Variants in ERVMER34-1 observed in about 807,000 individuals in gnomAD.
The protein encoded by ERVMER34-1 is endogenous retroviral envelope protein HEMO.
For synonymous variants in ERVMER34-1, 199 were observed against 111.7 expected (o/e 1.78, Z -4.93); for missense variants, 471 against 295.1 (o/e 1.60, Z -4.37).
chr4:52,749,723 A>C (rs956673326), intron 2 of ERVMER34-1, among the ~76,000 whole-genome samples: 16 of 152,224 alleles, frequency 1.1e-4, no homozygotes, highest in African/African-American at 3.4e-4. Flanking sequence ...CAGGAGGTGG[A>C]GGTTGCAGTG....
At chr4:52,749,375 C>G (rs1320562872) in intron 2 of ERVMER34-1, among the ~76,000 whole-genome samples, 1 of 152,156 alleles carries the variant, frequency 6.6e-6, no homozygotes, top group Non-Finnish European at 1.5e-5. Flanking sequence ...CCTCATCTTG[C>G]AACTCTGTAA....
rs1577731899 is a variant in ERVMER34-1 at position 52,742,854 on chromosome 4, T to C, written c.*975A>G. The stretch of plus-strand genomic sequence containing the variant: ...TGGCATGAACCCAAGGGGGCAGAGG[T>C]TGCAGTGAGCCGAGATTGAGCCACT... On this transcript the variant is annotated 3_prime_UTR_variant, in exon 3 of 3. Transcript: ENST00000443173. 6.6e-6 allele frequency: 1 copy of C among 150,686 alleles called. No homozygotes were observed. The highest frequency in any genetic ancestry group is 6.6e-5 in the Admixed American group (1 of 15,136). The allele number at this position is 150,686 out of a possible 1,614,324, so 9.3% of individuals were successfully genotyped here. A position where few individuals can be genotyped will look rare whatever the true frequency, so the allele number is the denominator to read the frequency against.
At chr4:52,746,588 C>A (rs2109415263) in intron 2 of ERVMER34-1, among the ~76,000 whole-genome samples, 1 of 152,304 alleles carries the variant, frequency 6.6e-6, no homozygotes, top group East Asian at 1.9e-4. Flanking sequence ...TTGTTAGTTT[C>A]TTTTCCACTG....
chr4:52,748,724 C>T (rs1577735120), intron 2 of ERVMER34-1, among the ~76,000 whole-genome samples: 1 of 152,192 alleles, frequency 6.6e-6, no homozygotes, highest in African/African-American at 2.4e-5. Context: ...GCATTAACCA[C>T]CCCACACACC....
intron 2 of ERVMER34-1, among the ~76,000 whole-genome samples, chr4:52,748,909 G>A (rs1716215567): frequency 6.6e-6 from 1 of 151,902 alleles, no homozygotes; most frequent in Admixed American, 6.6e-5. Context: ...AAGCTGGAAT[G>A]CAGTGGTGCA....
In ERVMER34-1 at chr4:52,743,758, G is replaced by T; in HGVS notation, c.*71C>A. 2.2e-6 allele frequency: 3 copies of T among 1,389,656 alleles called. No individual in the cohort carries two copies. Among genetic ancestry groups the T allele is most frequent in the Non-Finnish European group, 2.8e-6 (3 of 1,057,958 alleles). The allele number at this position is 1,389,656 out of a possible 1,614,324, so 86.1% of individuals were successfully genotyped here. On this transcript the variant is annotated 3_prime_UTR_variant, in exon 3 of 3. Transcript: ENST00000443173. ...GAGGGTTTTGGCAGCTGAATTCTCG[G>T]TAAGACCTGCTTTACTCATCAAAGT...
chr4:52,746,447 G>C (rs988109492), intron 2 of ERVMER34-1, among the ~76,000 whole-genome samples: 4 of 152,198 alleles, frequency 2.6e-5, no homozygotes, highest in African/African-American at 9.7e-5. Flanking sequence ...TGAGGATTGA[G>C]TATAGTAGGG....
At chr4:52,746,501 G>A (rs1716160719) in intron 2 of ERVMER34-1, among the ~76,000 whole-genome samples, 1 of 152,232 alleles carries the variant, frequency 6.6e-6, no homozygotes, top group Non-Finnish European at 1.5e-5. Flanking sequence ...GCAAGTAACT[G>A]ATTTAATTCT....
rs1439597159 is a variant in ERVMER34-1 at position 52,744,822 on chromosome 4, T to C, written c.699A>G (p.Gln233=). The change falls in exon 3 of 3, where the codon CAA becomes CAG. Residue 233 remains glutamine, a synonymous_variant. Coordinates refer to ENST00000443173, the MANE Select transcript of ERVMER34-1 (RefSeq NM_001242690.2). ...GGTACAGAAGGCCTTTGGTTTGGTT[T>C]TGGCAGCTATAGAGACAGGTGTCAT... ...SGNDTCLYSC[Q]NQTKGLLYQL... The C allele has an allele frequency of 1.4e-6, 1 of 704,136 alleles. No homozygotes were observed. The highest frequency in any genetic ancestry group is 2.0e-5 in the Admixed American group (1 of 50,022). The allele number at this position is 704,136 out of a possible 1,614,324, so 43.6% of individuals were successfully genotyped here. A position where few individuals can be genotyped will look rare whatever the true frequency, so the allele number is the denominator to read the frequency against.
intron 2 of ERVMER34-1, among the ~76,000 whole-genome samples, chr4:52,749,882 G>A (rs1716243223): frequency 6.6e-6 from 1 of 152,134 alleles, no homozygotes. Context: ...GTACACTGGT[G>A]AAAGAGAAAA....
intron 2 of ERVMER34-1, chr4:52,748,149 G>A: frequency 4.9e-6 from 1 of 205,112 alleles, no homozygotes; most frequent in Non-Finnish European, 9.8e-6. Flanking sequence ...CCCCTTTTAA[G>A]GTTGACACAG....
intron 2 of ERVMER34-1, among the ~76,000 whole-genome samples, 165 bp from the exon 3 acceptor site, chr4:52,746,108 A>C (rs1232735383): frequency 1.3e-5 from 2 of 152,260 alleles, no homozygotes; most frequent in Non-Finnish European, 2.9e-5. Flanking sequence ...TAGAGATGCC[A>C]GTAGGCACAG....
chr4:52,746,659 C>T (rs1716163353), intron 2 of ERVMER34-1, among the ~76,000 whole-genome samples: 1 of 152,148 alleles, frequency 6.6e-6, no homozygotes, highest in Non-Finnish European at 1.5e-5. Flanking sequence ...GCAGTGAGAA[C>T]AGTCTAAGGC....
At chr4:52,747,032 C>G (rs1716171323) in intron 2 of ERVMER34-1, among the ~76,000 whole-genome samples, 1 of 152,028 alleles carries the variant, frequency 6.6e-6, no homozygotes, top group Non-Finnish European at 1.5e-5. Context: ...GGTTCAAGAA[C>G]AGCCTGGCCA....
At position 52,751,016 on chromosome 4, in the gene ERVMER34-1, T is replaced by C. The variant is rs781649334; in HGVS notation, c.-510A>G. 6.6e-6 allele frequency: 1 copy of C among 152,374 alleles called. No homozygotes were observed. The highest frequency in any genetic ancestry group is 1.5e-5 in the Non-Finnish European group (1 of 68,230). 9.4% of individuals were successfully genotyped at this position (152,374 alleles called of 1,614,324 possible). ...AAGGTCGGCCGGGGTTGGGTTCCTG[T>C]CGCCGCACGCGTGGCCCGCCCGAAA... On this transcript the variant is annotated 5_prime_UTR_variant, in exon 2 of 3. Coordinates refer to ENST00000443173, the MANE Select transcript of ERVMER34-1 (RefSeq NM_001242690.2).
At chr4:52,751,148 G>C (rs574831627) in intron 1 of ERVMER34-1, 79 bp from the exon 2 acceptor site, 2 of 152,314 alleles carry the variant, frequency 1.3e-5, no homozygotes, top group African/African-American at 4.8e-5. Flanking sequence ...AGGACGCAGC[G>C]CCTGTGCCTC....
Position 52,745,192 on chromosome 4 carries a change from C to T in ERVMER34-1, c.329G>A (p.Gly110Asp), listed in dbSNP as rs1048944031. The change falls in exon 3 of 3, where the codon GGT (glycine) becomes GAT (aspartate). Residue 110 changes from glycine (G) to aspartate (D), a missense_variant. Transcript: ENST00000443173. ...WHWEASMEAQ[G>D]LSFAQVRLLE... ...TAACCTTACTTGAGCAAAGGATAGA[C>T]CTTGAGCTTCCATGGAGGCTTCCCA... 4 of 703,918 alleles carry T rather than the reference C, an allele frequency of 5.7e-6. No individual in the cohort carries two copies. Among genetic ancestry groups the T allele is most frequent in the Admixed American group, 4.0e-5 (2 of 49,986 alleles). The allele number at this position is 703,918 out of a possible 1,614,324, so 43.6% of individuals were successfully genotyped here.
At chr4:52,749,775 TA>T (rs1716241017) in intron 2 of ERVMER34-1, among the ~76,000 whole-genome samples, 2 of 152,096 alleles carry the variant, frequency 1.3e-5, no homozygotes, top group Admixed American at 1.3e-4. Flanking sequence ...GGCTCTGTCT[TA>T]AACAAACAAA....
intron 2 of ERVMER34-1, among the ~76,000 whole-genome samples, chr4:52,749,633 T>C (rs1313115853): frequency 6.6e-6 from 1 of 151,934 alleles, no homozygotes; most frequent in African/African-American, 2.4e-5. Flanking sequence ...TGAAATCCCA[T>C]CTCTACTAAA....
Sources: allele counts gnomAD v4.1 joint callset (sites outside exome capture counted in the v4.1 genomes callset), GRCh38; gene constraint gnomAD v4.1.1; transcripts MANE v1.5; gene names NCBI Gene and HGNC (gene_info 2026-07-23, HGNC 2026-07-21).